OXR1: variants seen among roughly 807,000 people sequenced by gnomAD.
The protein encoded by OXR1 is oxidation resistance protein 1.
Under a neutral mutation model 104.6 loss-of-function variants are expected in OXR1, and 41 were observed. The observed-to-expected ratio is 0.39, with a 90% confidence interval of 0.31 to 0.51. The LOEUF is 0.51. Ranked by LOEUF, OXR1 falls within the 20% of genes least tolerant of loss-of-function variation. The pLI, the probability that OXR1 is intolerant of heterozygous loss-of-function variation, is 0.77. For synonymous variants in OXR1, 348 were observed against 348.4 expected, an observed-to-expected ratio of 1.00 and a Z score of 0.01; for missense variants, 955 against 1,031.9, an observed-to-expected ratio of 0.93 and a Z score of 1.02.
intron 11 of OXR1, among the ~76,000 whole-genome samples, chr8:106,733,704 T>C (rs987539220): frequency 5.3e-5 from 8 of 151,724 alleles, no homozygotes; most frequent in African/African-American, 1.9e-4. Flanking sequence ...CACACATCTG[T>C]AGTCCCAGCT....
chr8:106,710,673 G>T lies in OXR1; in HGVS notation c.1676G>T (p.Cys559Phe), dbSNP rs1386067301. 2 of 1,602,294 alleles carry T rather than the reference G, an allele frequency of 1.2e-6. No individual in the cohort carries two copies. The highest frequency in any genetic ancestry group is 1.7e-6 in the Non-Finnish European group (2 of 1,173,988). Residue 559 changes from cysteine to phenylalanine, a missense_variant, in exon 10 of 17, where the codon TGT (cysteine) becomes TTT (phenylalanine). Around this residue, in one of 2 missense-constraint regions of OXR1, gnomAD observed 849 missense variants for 852.9 expected, o/e 1.00. Transcript: ENST00000517566. ...AGGCATCGATTACATAAGTTCTTGT[G>T]TCTCAGAGTTGGAAAACCAATGAGG... ...KQRHRLHKFL[C>F]LRVGKPMRKT...
chr8:106,578,983 C>CTT (rs146593561), intron 3 of OXR1, among the ~76,000 whole-genome samples: 13,779 of 130,396 alleles, frequency 0.11, 1,061 homozygotes, highest in Middle Eastern at 0.2. Flanking sequence ...CTCACTTTTT[C>CTT]TTTCTTTTTT....
chr8:106,478,977 C>G (rs1425326219), intron 2 of OXR1, among the ~76,000 whole-genome samples: 1 of 151,812 alleles, frequency 6.6e-6, no homozygotes, highest in African/African-American at 2.4e-5. Context: ...CAATTCTCTT[C>G]CAGTCCCATA....
Position 106,409,236 on chromosome 8 carries a change from G to A in OXR1, c.23+49600G>A, listed in dbSNP as rs191187432. The stretch of plus-strand genomic sequence containing the variant: ...CATTAGCTTCTCGGAAGAAAAGACC[G>A]ACCATATATTCTGTGGTGTGGTGTT... On this transcript the variant is annotated intron_variant, in intron 2 of 16. Transcript: ENST00000517566. Among the ~76,000 whole-genome samples, 18 of 152,210 alleles carry A rather than the reference G, an allele frequency of 1.2e-4. No homozygotes were observed. In the East Asian group the frequency reaches 2.7e-3, roughly 23 times the overall value.
chr8:106,670,975 G>A (rs1265790806), intron 3 of OXR1, among the ~76,000 whole-genome samples: 4 of 144,220 alleles, frequency 2.8e-5, no homozygotes, highest in Non-Finnish European at 6.0e-5. Context: ...AACCTGGCAG[G>A]CAGAGGTTAT....
chr8:106,287,938 A>G (rs1034606654), intron 1 of OXR1, among the ~76,000 whole-genome samples: 3 of 152,216 alleles, frequency 2.0e-5, no homozygotes, highest in African/African-American at 7.2e-5. Flanking sequence ...GGAACATTTC[A>G]TAGTCTCACA....
intron 3 of OXR1, among the ~76,000 whole-genome samples, chr8:106,617,601 T>C (rs910775388): frequency 4.6e-5 from 7 of 152,344 alleles, no homozygotes; most frequent in African/African-American, 1.7e-4. Context: ...CTATATCCAT[T>C]ATGATGCAAT....
chr8:106,582,211 CAT>C (rs767373142), intron 3 of OXR1, among the ~76,000 whole-genome samples: 4 of 114,266 alleles, frequency 3.5e-5, no homozygotes, highest in African/African-American at 4.6e-5. Context: ...TATGAAGGAA[CAT>C]ATATATATAT....
chr8:106,444,051 C>T (rs139752110), intron 2 of OXR1, among the ~76,000 whole-genome samples: 1 of 152,060 alleles, frequency 6.6e-6, no homozygotes, highest in South Asian at 2.1e-4. Context: ...CAGACACACT[C>T]AAAAGAAGAC....
chr8:106,447,073 G>C (rs1480341169), intron 2 of OXR1, among the ~76,000 whole-genome samples: 1 of 152,142 alleles, frequency 6.6e-6, no homozygotes, highest in East Asian at 1.9e-4. Context: ...AGTTCTATTT[G>C]TTATAATGTT....
At chr8:106,298,415 G>T (rs1487653871) in intron 1 of OXR1, among the ~76,000 whole-genome samples, 1 of 152,058 alleles carries the variant, frequency 6.6e-6, no homozygotes, top group Non-Finnish European at 1.5e-5. Context: ...CAAGATAATA[G>T]CACAGGAAAA....
intron 3 of OXR1, among the ~76,000 whole-genome samples, chr8:106,629,444 C>T (rs1005965238): frequency 9.2e-5 from 14 of 152,130 alleles, no homozygotes; most frequent in African/African-American, 3.1e-4. Context: ...TCTGACTACT[C>T]GTCTAGGGTC....
intron 1 of OXR1, among the ~76,000 whole-genome samples, chr8:106,341,507 C>CA (rs1815246951): frequency 6.6e-6 from 1 of 151,978 alleles, no homozygotes. Context: ...AGAGGGACTT[C>CA]AGTGGGGGAA....
intron 3 of OXR1, among the ~76,000 whole-genome samples, chr8:106,564,422 C>T (rs1310669849): frequency 6.6e-6 from 1 of 151,662 alleles, no homozygotes; most frequent in Admixed American, 6.6e-5. Flanking sequence ...CACACACACA[C>T]CCCCGCCCCA....
chr8:106,445,635 A>AAAAG (rs1431076838), intron 2 of OXR1, among the ~76,000 whole-genome samples: 2 of 152,080 alleles, frequency 1.3e-5, no homozygotes, highest in African/African-American at 2.4e-5. Flanking sequence ...TTTAGACCTT[A>AAAAG]TTTACTTTTT....
chr8:106,289,714 G>A (rs1317007362), intron 1 of OXR1, among the ~76,000 whole-genome samples: 2 of 152,128 alleles, frequency 1.3e-5, no homozygotes, highest in Admixed American at 6.6e-5. Context: ...ACACGGTACT[G>A]GTACAAAGAC....
intron 2 of OXR1, among the ~76,000 whole-genome samples, chr8:106,382,477 A>G (rs1048121188): frequency 6.6e-6 from 1 of 152,120 alleles, no homozygotes; most frequent in African/African-American, 2.4e-5. Flanking sequence ...TATAACTAAC[A>G]TTGATCTAGA....
At chr8:106,579,197 T>C (rs1299171173) in intron 3 of OXR1, among the ~76,000 whole-genome samples, 1 of 152,154 alleles carries the variant, frequency 6.6e-6, no homozygotes, top group Non-Finnish European at 1.5e-5. Flanking sequence ...TTGGGTTTCA[T>C]TGTAATTCCC....
At chr8:106,298,793 A>G (rs1162027964) in intron 1 of OXR1, among the ~76,000 whole-genome samples, 1 of 152,150 alleles carries the variant, frequency 6.6e-6, no homozygotes, top group Non-Finnish European at 1.5e-5. Context: ...CCACCCCAGA[A>G]CAAAAGCAAT....
Sources: allele counts gnomAD v4.1 joint callset (sites outside exome capture counted in the v4.1 genomes callset), GRCh38; gene constraint gnomAD v4.1.1; regional missense constraint gnomAD v4.1.1; transcripts MANE v1.5; gene names NCBI Gene and HGNC (gene_info 2026-07-23, HGNC 2026-07-21).